Variants in NMT2 observed in about 807,000 individuals in gnomAD.
NMT2 encodes glycylpeptide N-tetradecanoyltransferase 2.
A neutral mutation model predicts 65.4 loss-of-function variants in NMT2; 35 were observed. The ratio of observed to expected loss-of-function variants is 0.54; its 90% CI spans 0.41 to 0.71. The LOEUF (loss-of-function observed/expected upper bound fraction) is 0.71. NMT2 is among the 30% of genes least tolerant of loss of function. The probability of loss-of-function intolerance (pLI) is 0.00; values close to 1 mark genes in which losing one functional copy is unlikely to be tolerated. For missense variants in NMT2, 489 were observed against 611.3 expected, an observed-to-expected ratio of 0.80 and a Z score of 2.11; for synonymous variants, 226 against 231.8, an observed-to-expected ratio of 0.98 and a Z score of 0.23.
chr10:15,156,625 G>A (rs113272474), intron 1 of NMT2, among the ~76,000 whole-genome samples: 3,286 of 152,226 alleles, frequency 0.022, 137 homozygotes, highest in African/African-American at 0.075. Flanking sequence ...CAGGCCAGGC[G>A]CGGTGGCTCA....
rs1845341662 is a variant in NMT2, at chr10:15,107,384, A to G, written c.*1811T>C. The G allele has an allele frequency of 1.0e-6, 1 of 985,460 alleles. No homozygotes were observed. Among genetic ancestry groups the G allele is most frequent in the Non-Finnish European group, 1.2e-6 (1 of 829,942 alleles). The allele number at this position is 985,460 out of a possible 1,614,324, so 61.0% of individuals were successfully genotyped here. Reference sequence around the variant, plus strand: ...GGACTCATAACTTGAAGGAAATGCCATCATGTCTAAAACAATTAACTTCTG... The same window carrying G: ...GGACTCATAACTTGAAGGAAATGCCGTCATGTCTAAAACAATTAACTTCTG... On this transcript the variant is annotated 3_prime_UTR_variant, in exon 12 of 12. Transcript: ENST00000378165.
chr10:15,140,233 C>T (rs1350912092), intron 2 of NMT2, among the ~76,000 whole-genome samples: 1 of 152,098 alleles, frequency 6.6e-6, no homozygotes, highest in African/African-American at 2.4e-5. Flanking sequence ...AGCTATCCTC[C>T]CACCTCAGCC....
At chr10:15,129,575 G>C (rs903437745) in intron 7 of NMT2, among the ~76,000 whole-genome samples, 1 of 152,164 alleles carries the variant, frequency 6.6e-6, no homozygotes, top group African/African-American at 2.4e-5. Context: ...ACTGATCTTT[G>C]GGGTGGAAAG....
At chr10:15,120,564 T>C (rs749292371) in intron 8 of NMT2, among the ~76,000 whole-genome samples, 12 of 152,176 alleles carry the variant, frequency 7.9e-5, no homozygotes, top group Non-Finnish European at 1.6e-4. Flanking sequence ...GATTCTGGTA[T>C]CTGAGGGGTC....
Position 15,127,655 on chromosome 10 carries a change from C to A in NMT2, c.999+695G>T, listed in dbSNP as rs536991115. ...CAGTGGCTCATGCCTGTAATCCCAG[C>A]ACCTTGGGAGGCTGAAGCAGGCGGT... is the stretch of plus-strand genomic sequence containing the variant. On this transcript the variant is annotated intron_variant, in intron 8 of 11. Coordinates refer to ENST00000378165, the MANE Select transcript of NMT2 (RefSeq NM_004808.3). Among the ~76,000 whole-genome samples the A allele has an allele frequency of 8.7e-4, 132 of 151,098 alleles. 1 individual carries two copies. The highest frequency in any genetic ancestry group is 3.0e-3 in the African/African-American group (123 of 41,276).
At chr10:15,113,482 A>G (rs1046477986) in intron 9 of NMT2, among the ~76,000 whole-genome samples, 8 of 147,986 alleles carry the variant, frequency 5.4e-5, no homozygotes, top group South Asian at 4.3e-4. Flanking sequence ...AAAAAAAAAA[A>G]AAAAAAAGAA....
At chr10:15,113,095 A>C (rs539673064) in intron 9 of NMT2, 132 bp from the exon 10 acceptor site, 4 of 960,328 alleles carry the variant, frequency 4.2e-6, no homozygotes, top group East Asian at 2.6e-5. Context: ...CGGCAGTCCA[A>C]TTTGGGGCCC....
rs201561074 is a variant in NMT2, at chr10:15,139,863, C to CTATATATATA, written c.246+1549_246+1558dup. Reference sequence around the variant, plus strand: ...AAAGCTTGTAGAATGGTAACAACTACTATATATATATATATATATATATAT... The same window carrying CTATATATATA: ...AAAGCTTGTAGAATGGTAACAACTACTATATATATATATATATATATATATATATATATAT... On this transcript the variant is annotated intron_variant, in intron 2 of 11. Coordinates refer to ENST00000378165, the MANE Select transcript of NMT2 (RefSeq NM_004808.3). 66 of 69,612 alleles carry CTATATATATA rather than the reference C, an allele frequency of 9.5e-4. 3 individuals carry two copies. Among genetic ancestry groups the CTATATATATA allele is most frequent in the South Asian group, 1.5e-3 (2 of 1,292 alleles). 4.3% of individuals were successfully genotyped at this position (69,612 alleles called of 1,614,324 possible).
chr10:15,166,317 A>G (rs1052980162), intron 1 of NMT2, among the ~76,000 whole-genome samples: 8 of 152,208 alleles, frequency 5.3e-5, no homozygotes, highest in Non-Finnish European at 1.2e-4. Flanking sequence ...TGCCTTTAAG[A>G]GGTGAAACAT....
rs749035522 is a variant in NMT2, at chr10:15,133,251, G to C, written c.504C>G (p.Ala168=). ...GAGGTTTTTACTCACTCACCACTTCGGCATCACTCAAGTCTAAAGTGTCCC... is the reference window on the plus strand; with the variant it reads ...GAGGTTTTTACTCACTCACCACTTCCGCATCACTCAAGTCTAAAGTGTCCC... ...FMWDTLDLSD[A]EVLKELYTLL... is the part of the protein sequence containing the mutation. The change falls in exon 4 of 12, where the codon GCC becomes GCG. Residue 168 remains alanine (A), a synonymous_variant. Coordinates refer to ENST00000378165, the MANE Select transcript of NMT2 (RefSeq NM_004808.3). The C allele has an allele frequency of 6.2e-7, 1 of 1,612,998 alleles. No homozygotes were observed. Among genetic ancestry groups the C allele is most frequent in the Non-Finnish European group, 8.5e-7 (1 of 1,179,022 alleles).
chr10:15,127,428 T>A (rs1394886927), intron 8 of NMT2, among the ~76,000 whole-genome samples: 1 of 146,042 alleles, frequency 6.8e-6, no homozygotes, highest in Non-Finnish European at 1.5e-5. Context: ...GCGCCTATAG[T>A]CCCAGCTACT....
At chr10:15,116,470 A>G (rs981675060) in intron 9 of NMT2, among the ~76,000 whole-genome samples, 2 of 152,216 alleles carry the variant, frequency 1.3e-5, no homozygotes, top group Non-Finnish European at 2.9e-5. Flanking sequence ...CTTACTAGTA[A>G]CAGGGAAAGG....
chr10:15,119,931 C>T (rs1393998263), intron 8 of NMT2, among the ~76,000 whole-genome samples: 1 of 152,204 alleles, frequency 6.6e-6, no homozygotes, highest in African/African-American at 2.4e-5. Flanking sequence ...ACATAGCCAA[C>T]TTAGCATGAC....
intron 8 of NMT2, among the ~76,000 whole-genome samples, chr10:15,123,480 G>A (rs555362616): frequency 7.6e-6 from 1 of 132,008 alleles, no homozygotes; most frequent in Non-Finnish European, 1.5e-5. Flanking sequence ...AGTGAGCCAA[G>A]ATCGCATCAC....
intron 1 of NMT2, among the ~76,000 whole-genome samples, chr10:15,153,750 C>T (rs1207483636): frequency 6.6e-6 from 1 of 152,008 alleles, no homozygotes; most frequent in Non-Finnish European, 1.5e-5. Flanking sequence ...CCCAGGTTCA[C>T]ACCATTCTCC....
rs558392366 is a variant in NMT2 at position 15,109,738 on chromosome 10, C to T, written c.1440G>A (p.Leu480=). ...GIGDGNLQYY[L]YNWRCPGTDS... ...CTGTACCTGGACACCTCCAATTGTA[C>T]AGGTAATACTGCAAATTGCCATCTC... The change falls in exon 11 of 12, where the codon CTG becomes CTA. Residue 480 remains leucine, a synonymous_variant. Coordinates refer to ENST00000378165, the MANE Select transcript of NMT2 (RefSeq NM_004808.3). 1.9e-6 allele frequency: 3 copies of T among 1,613,132 alleles called. No individual in the cohort carries two copies. The highest frequency in any genetic ancestry group is 1.3e-5 in the African/African-American group (1 of 74,996).
At chr10:15,113,951 G>T (rs1845660029) in intron 9 of NMT2, among the ~76,000 whole-genome samples, 1 of 152,180 alleles carries the variant, frequency 6.6e-6, no homozygotes, top group Admixed American at 6.5e-5. Context: ...AGAATATGAT[G>T]TGTTTGAATC....
At chr10:15,132,175 G>GT (rs1252242477) in intron 6 of NMT2, among the ~76,000 whole-genome samples, 4 of 152,000 alleles carry the variant, frequency 2.6e-5, no homozygotes, top group African/African-American at 7.2e-5. Flanking sequence ...CCAAGGCTTC[G>GT]TTTTTTCTGA....
Position 15,108,309 on chromosome 10 carries a change from C to A in NMT2, c.*886G>T. 3.3e-6 allele frequency: 2 copies of A among 608,220 alleles called. No individual in the cohort carries two copies. Among genetic ancestry groups the A allele is most frequent in the Non-Finnish European group, 2.1e-6 (1 of 485,720 alleles). The allele number at this position is 608,220 out of a possible 1,614,324, so 37.7% of individuals were successfully genotyped here. ...TCAAGCGATTCTCCTGCCTCAGCCTCCCAAGCAGCTGGGACTACAGGCACA... is the reference window on the plus strand; with the variant it reads ...TCAAGCGATTCTCCTGCCTCAGCCTACCAAGCAGCTGGGACTACAGGCACA... On this transcript the variant is annotated 3_prime_UTR_variant, in exon 12 of 12. Coordinates refer to ENST00000378165, the MANE Select transcript of NMT2 (RefSeq NM_004808.3).
Sources: gnomAD v4.1 joint callset for allele counts (sites outside exome capture counted in the v4.1 genomes callset) on GRCh38, gnomAD v4.1.1 for gene constraint, MANE v1.5 for transcripts, NCBI Gene and HGNC (gene_info 2026-07-23, HGNC 2026-07-21) for gene names.